Variants in SLC27A6 observed in about 807,000 individuals in gnomAD.
SLC27A6 encodes solute carrier family 27 member 6, also known as long-chain fatty acid transport protein 6.
In SLC27A6, 74 loss-of-function variants were observed where a neutral mutation model predicts 63.9. The observed-to-expected ratio is 1.16, with a 90% confidence interval of 0.96 to 1.40. The LOEUF is 1.40. SLC27A6 is among the 40% of genes most tolerant of loss of function. SLC27A6 has a pLI of 0.00. For synonymous variants in SLC27A6, 287 were observed against 260.8 expected (o/e 1.10, Z -0.97); for missense variants, 794 against 732.9 (o/e 1.08, Z -0.96).
intron 4 of SLC27A6, among the ~76,000 whole-genome samples, chr5:129,003,383 C>T (rs1751409138): frequency 6.6e-6 from 1 of 152,188 alleles, no homozygotes; most frequent in Non-Finnish European, 1.5e-5. Flanking sequence ...TTTATAGCAA[C>T]AGTTCCTGCT....
intron 4 of SLC27A6, among the ~76,000 whole-genome samples, chr5:129,013,745 T>C (rs1751802385): frequency 6.6e-6 from 1 of 152,206 alleles, no homozygotes; most frequent in African/African-American, 2.4e-5. Flanking sequence ...TTAAAATCTC[T>C]TCAGAATTGC....
rs2577540 is a variant in SLC27A6 at position 128,966,049 on chromosome 5, A to C, written c.-89A>C. On this transcript the variant is annotated 5_prime_UTR_variant, in exon 1 of 10. Transcript: ENST00000262462. ...CAGGTGTAAGCCCTGAGTAGTGAGG[A>C]TCTGCGGTCTCCGTGGAGAGCTGTG... 0.34 allele frequency: 497,477 copies of C among 1,460,972 alleles called. 89,210 individuals are homozygous for C. The highest frequency in any genetic ancestry group is 0.42 in the Middle Eastern group (1,620 of 3,886). The allele number at this position is 1,460,972 out of a possible 1,614,324, so 90.5% of individuals were successfully genotyped here. A position where few individuals can be genotyped will look rare whatever the true frequency, so the allele number is the denominator to read the frequency against.
At chr5:128,968,520 G>A (rs1293545154) in intron 1 of SLC27A6, among the ~76,000 whole-genome samples, 1 of 152,146 alleles carries the variant, frequency 6.6e-6, no homozygotes, top group Non-Finnish European at 1.5e-5. Flanking sequence ...CAGTGATGAT[G>A]AGCATTTTTT....
At chr5:128,971,989 T>C (rs13160585) in intron 1 of SLC27A6, among the ~76,000 whole-genome samples, 90,787 of 151,644 alleles carry the variant, frequency 0.6, 27,615 homozygotes, top group Non-Finnish European at 0.66. Context: ...ATTTGCTTGT[T>C]TGTAAAGGAT....
At chr5:128,969,239 CA>C (rs1422508850) in intron 1 of SLC27A6, among the ~76,000 whole-genome samples, 1 of 152,120 alleles carries the variant, frequency 6.6e-6, no homozygotes, top group African/African-American at 2.4e-5. Context: ...ATTGTCTTGG[CA>C]ATGCAGGCTC....
chr5:128,972,407 C>T (rs62399683), intron 1 of SLC27A6, among the ~76,000 whole-genome samples: 36,686 of 152,140 alleles, frequency 0.24, 4,970 homozygotes, highest in Middle Eastern at 0.33. Context: ...ACCAATCAAA[C>T]GTAGATTTGG....
Position 128,966,335 on chromosome 5 carries a change from A to T in SLC27A6, c.198A>T (p.Arg66Ser). 1.2e-6 allele frequency: 2 copies of T among 1,614,200 alleles called. No homozygotes were observed. The highest frequency in any genetic ancestry group is 1.7e-6 in the Non-Finnish European group (2 of 1,180,034). The change falls in exon 1 of 10, where the codon AGA becomes AGT. Residue 66 changes from arginine to serine, a missense_variant. Arg to Ser is a moderately radical substitution (Grantham distance 110, BLOSUM62 -1). Transcript: ENST00000262462. ...VLDKFLSHAK[R>S]QPRKPFIIYE... ...ATAAATTCTTGAGTCATGCCAAAAG[A>T]CAACCTCGGAAACCTTTCATCATCT...
rs373236456 is a variant in SLC27A6 at position 129,028,364 on chromosome 5, G to A, written c.1474G>A (p.Ala492Thr). The A allele has an allele frequency of 4.0e-5, 65 of 1,608,952 alleles. No homozygotes were observed. The highest frequency in any genetic ancestry group is 6.7e-5 in the East Asian group (3 of 44,772). The change falls in exon 8 of 10, where the codon GCA becomes ACA. Residue 492 changes from alanine to threonine, a missense_variant. Physicochemically the swap from Ala to Thr is moderately conservative, Grantham distance 58 (BLOSUM62 0). Coordinates refer to ENST00000262462, the MANE Select transcript of SLC27A6 (RefSeq NM_001017372.3). The part of the protein sequence containing the change: ...DTFRWKGENV[A>T]TTEVADVIGM... ...ATTTAGATGGAAAGGAGAAAATGTC[G>A]CAACCACTGAGGTTGCTGATGTTAT...
chr5:129,016,000 C>A lies in SLC27A6; in HGVS notation c.1085C>A (p.Ala362Glu). The A allele has an allele frequency of 6.2e-7, 1 of 1,609,866 alleles. No individual in the cohort carries two copies. The highest frequency in any genetic ancestry group is 1.7e-5 in the Admixed American group (1 of 58,982). The change falls in exon 5 of 10, where the codon GCA becomes GAA. Residue 362 changes from alanine to glutamate, a missense_variant. Coordinates refer to ENST00000262462, the MANE Select transcript of SLC27A6 (RefSeq NM_001017372.3). ...FGNIKVCELY[A>E]ATESSISFMN... ...AATATAAAGGTGTGTGAACTTTATG[C>A]AGCTACCGAATCAAGCATATCTTTC...
chr5:128,984,829 A>C (rs1481626090), intron 1 of SLC27A6, among the ~76,000 whole-genome samples: 5 of 152,246 alleles, frequency 3.3e-5, no homozygotes, highest in African/African-American at 9.6e-5. Flanking sequence ...ATTCAGACAG[A>C]GTTTTAAATA....
chr5:128,979,984 C>T (rs1750528281), intron 1 of SLC27A6, among the ~76,000 whole-genome samples: 1 of 152,084 alleles, frequency 6.6e-6, no homozygotes, highest in Non-Finnish European at 1.5e-5. Context: ...CTGGTTATGC[C>T]CTTTTGGGTG....
At chr5:128,972,095 T>G (rs10053532) in intron 1 of SLC27A6, among the ~76,000 whole-genome samples, 3 of 151,858 alleles carry the variant, frequency 2.0e-5, no homozygotes, top group Non-Finnish European at 4.4e-5. Flanking sequence ...TTGGCCCCCA[T>G]TCTCTTCTGG....
At chr5:128,973,172 C>T (rs2577441) in intron 1 of SLC27A6, among the ~76,000 whole-genome samples, 36,571 of 151,944 alleles carry the variant, frequency 0.24, 4,922 homozygotes, top group Middle Eastern at 0.33. Context: ...TGCTTGTATG[C>T]AGTGTCAGTT....
rs149230836 is a variant in SLC27A6 at position 128,966,209 on chromosome 5, C to G, written c.72C>G (p.Phe24Leu). ...TGCACTTCTTGCAGAAACTCCTGTT[C>G]CCTTACTTTTGGGATGACTTCTGGT... ...VVLHFLQKLL[F>L]PYFWDDFWFV... is the part of the protein sequence containing the mutation. Residue 24 changes from phenylalanine to leucine, a missense_variant, in exon 1 of 10, where the codon TTC (phenylalanine) becomes TTG (leucine). Transcript: ENST00000262462. 9.5e-5 allele frequency: 153 copies of G among 1,607,610 alleles called. 2 individuals carry two copies. The highest frequency in any genetic ancestry group is 3.4e-5 in the Admixed American group (2 of 59,240).
intron 1 of SLC27A6, among the ~76,000 whole-genome samples, chr5:128,970,190 A>T (rs62399674): frequency 1.8e-4 from 27 of 151,248 alleles, no homozygotes; most frequent in African/African-American, 6.1e-4. Flanking sequence ...GGATTTTTGC[A>T]TCAGTGTTCA....
At position 129,027,130 on chromosome 5, in the gene SLC27A6, C is replaced by A; in HGVS notation, c.1256-3C>A. ...GCTGCAAAAATGTCGTTCTTTCTTG[C>A]AGGAGAACCTGGACTTCTCATTTCT... is the stretch of plus-strand genomic sequence containing the variant. On this transcript the variant is annotated splice_region_variant and splice_polypyrimidine_tract_variant and intron_variant, in intron 6 of 9. Transcript: ENST00000262462. 1 of 1,612,292 alleles carries A rather than the reference C, an allele frequency of 6.2e-7. No individual in the cohort carries two copies. Among genetic ancestry groups the A allele is most frequent in the Non-Finnish European group, 8.5e-7 (1 of 1,178,730 alleles).
At chr5:129,003,867 GT>G in intron 4 of SLC27A6, among the ~76,000 whole-genome samples, 1 of 150,944 alleles carries the variant, frequency 6.6e-6, no homozygotes, top group Admixed American at 6.6e-5. Flanking sequence ...ACTTGGGAAG[GT>G]GAGGTGGGAG....
chr5:128,972,486 C>T (rs1246868390), intron 1 of SLC27A6, among the ~76,000 whole-genome samples: 1 of 152,070 alleles, frequency 6.6e-6, no homozygotes, highest in Non-Finnish European at 1.5e-5. Context: ...CTCTAAGCTT[C>T]TCTTCTCGTT....
intron 4 of SLC27A6, among the ~76,000 whole-genome samples, chr5:129,005,580 T>C (rs1472501481): frequency 1.3e-5 from 2 of 151,116 alleles, no homozygotes; most frequent in Admixed American, 6.6e-5. Context: ...AAAGCAGCCA[T>C]AGATGATCCA....
Sources: gnomAD v4.1 joint callset for allele counts (sites outside exome capture counted in the v4.1 genomes callset) on GRCh38, gnomAD v4.1.1 for gene constraint, MANE v1.5 for transcripts, NCBI Gene and HGNC (gene_info 2026-07-23, HGNC 2026-07-21) for gene names.